Variants in DTWD2 observed in about 807,000 individuals in gnomAD.
DTWD2 encodes the protein tRNA-uridine aminocarboxypropyltransferase 2.
Under a neutral mutation model 31.8 loss-of-function variants are expected in DTWD2, and 39 were observed. That is an observed-to-expected ratio of 1.22 (90% confidence interval 0.95 to 1.60). The LOEUF (loss-of-function observed/expected upper bound fraction) is 1.60. Ranked by LOEUF, DTWD2 falls within the 40% of genes most tolerant of loss-of-function variation. DTWD2 has a pLI of 0.00. For synonymous variants in DTWD2, 180 were observed against 142.8 expected (o/e 1.26, Z -1.86); for missense variants, 515 against 381.5 (o/e 1.35, Z -2.92).
intron 1 of DTWD2, among the ~76,000 whole-genome samples, chr5:118,969,572 A>G (rs1014839293): frequency 3.9e-5 from 6 of 152,204 alleles, no homozygotes; most frequent in Admixed American, 3.3e-4. Context: ...AACCCCAACA[A>G]CCACAGCAGC....
At chr5:118,911,912 G>T (rs1753466366) in intron 4 of DTWD2, among the ~76,000 whole-genome samples, 1 of 152,092 alleles carries the variant, frequency 6.6e-6, no homozygotes. Context: ...GTGTGCATTT[G>T]GTGCACCACA....
chr5:118,946,424 T>C (rs1754340182), intron 1 of DTWD2, among the ~76,000 whole-genome samples: 1 of 152,178 alleles, frequency 6.6e-6, no homozygotes, highest in South Asian at 2.1e-4. Context: ...TAAGAAAGGA[T>C]TCCTCACTCA....
Position 118,932,839 on chromosome 5 carries a change from A to C in DTWD2, c.405-4110T>G, listed in dbSNP as rs571684226. ...GTGGAAAATAAACTTCTCTTTGGCCACCCAGTATGTGGTATTTTATTATGG... is the reference window on the plus strand; with the variant it reads ...GTGGAAAATAAACTTCTCTTTGGCCCCCCAGTATGTGGTATTTTATTATGG... On this transcript the variant is annotated intron_variant, in intron 3 of 5. Transcript: ENST00000510708. Among the ~76,000 whole-genome samples, 4 of 152,278 alleles carry C rather than the reference A, an allele frequency of 2.6e-5. No homozygotes were observed. The East Asian group carries it at 5.8e-4, about 22-fold the overall frequency.
chr5:118,916,840 C>G (rs1445579502), intron 4 of DTWD2, among the ~76,000 whole-genome samples: 1 of 152,096 alleles, frequency 6.6e-6, no homozygotes, highest in Admixed American at 6.5e-5. Flanking sequence ...TTGTCACTAA[C>G]TTGTCACTAA....
chr5:118,888,960 A>C (rs1752923717), intron 4 of DTWD2, among the ~76,000 whole-genome samples: 1 of 152,248 alleles, frequency 6.6e-6, no homozygotes, highest in Non-Finnish European at 1.5e-5. Flanking sequence ...ACTTATAACT[A>C]AGTATGGAAA....
chr5:118,860,274 G>T (rs1752231910), intron 4 of DTWD2, among the ~76,000 whole-genome samples: 1 of 149,644 alleles, frequency 6.7e-6, no homozygotes, highest in Admixed American at 6.7e-5. Context: ...AATTAACATG[G>T]CTTTCTTACA....
At chr5:118,867,841 C>T (rs1201409524) in intron 4 of DTWD2, among the ~76,000 whole-genome samples, 2 of 152,128 alleles carry the variant, frequency 1.3e-5, no homozygotes, top group South Asian at 2.1e-4. Flanking sequence ...AATGTCAATA[C>T]TACCCAAAGA....
At chr5:118,856,225 A>C (rs1752131369) in intron 4 of DTWD2, among the ~76,000 whole-genome samples, 1 of 152,152 alleles carries the variant, frequency 6.6e-6, no homozygotes. Context: ...CAATTGTTCA[A>C]TTTTGCCTAT....
chr5:118,864,844 T>C (rs891292706), intron 4 of DTWD2, among the ~76,000 whole-genome samples: 3 of 152,164 alleles, frequency 2.0e-5, no homozygotes, highest in Non-Finnish European at 4.4e-5. Flanking sequence ...TATGTTACCA[T>C]GTATCATAAT....
chr5:118,891,113 C>G (rs1010404028), intron 4 of DTWD2, among the ~76,000 whole-genome samples: 9 of 151,098 alleles, frequency 6.0e-5, no homozygotes, highest in Non-Finnish European at 1.2e-4. Flanking sequence ...TTTACTATAA[C>G]TTCTTTCCTC....
chr5:118,915,554 T>C (rs1473811249), intron 4 of DTWD2, among the ~76,000 whole-genome samples: 1 of 152,032 alleles, frequency 6.6e-6, no homozygotes, highest in Non-Finnish European at 1.5e-5. Context: ...TTTTGTATTT[T>C]TAGTAGAGAT....
intron 4 of DTWD2, among the ~76,000 whole-genome samples, chr5:118,889,839 G>T (rs529610860): frequency 1.3e-5 from 2 of 152,170 alleles, no homozygotes; most frequent in South Asian, 4.1e-4. Flanking sequence ...AATTTTTCAT[G>T]AAAGAATGAA....
chr5:118,918,946 G>T (rs74446249), intron 4 of DTWD2, among the ~76,000 whole-genome samples: 1,706 of 152,142 alleles, frequency 0.011, 19 homozygotes, highest in Non-Finnish European at 0.016. Flanking sequence ...CATCAAAAAC[G>T]GAGATTTTAA....
chr5:118,924,221 C>T (rs1257693908), intron 4 of DTWD2, among the ~76,000 whole-genome samples: 1 of 152,162 alleles, frequency 6.6e-6, no homozygotes, highest in African/African-American at 2.4e-5. Context: ...CTGGAAGTAT[C>T]TCCTAGCAGG....
At chr5:118,856,438 T>C (rs1032675446) in intron 4 of DTWD2, among the ~76,000 whole-genome samples, 1 of 152,188 alleles carries the variant, frequency 6.6e-6, no homozygotes. Flanking sequence ...TTTGCTATTA[T>C]AAACAAAGTA....
intron 1 of DTWD2, among the ~76,000 whole-genome samples, chr5:118,978,932 G>A (rs2149602850): frequency 1.3e-5 from 2 of 152,072 alleles, no homozygotes; most frequent in East Asian, 3.9e-4. Flanking sequence ...CTTGAGCCGG[G>A]AAGATGGAGG....
intron 4 of DTWD2, among the ~76,000 whole-genome samples, chr5:118,874,044 A>G (rs1001984962): frequency 6.6e-6 from 1 of 152,154 alleles, no homozygotes; most frequent in Non-Finnish European, 1.5e-5. Flanking sequence ...GGTGCAATAC[A>G]AGTCCCCAGG....
In DTWD2 at chr5:118,840,027, A is replaced by C. The variant is rs1751673937; in HGVS notation, c.*890T>G. On this transcript the variant is annotated 3_prime_UTR_variant, in exon 6 of 6. Transcript: ENST00000510708. ...CAGTAGACTTGTGCTGAATATACAT[A>C]TATGTTACATACATGTCTCTTATTC... The C allele has an allele frequency of 6.6e-6, 1 of 152,286 alleles. No individual in the cohort carries two copies. Among genetic ancestry groups the C allele is most frequent in the South Asian group, 2.1e-4 (1 of 4,824 alleles). 9.4% of individuals were successfully genotyped at this position (152,286 alleles called of 1,614,324 possible).
chr5:118,973,646 TCCTTGCTCGC>T, intron 1 of DTWD2: 2 of 769,924 alleles, frequency 2.6e-6, no homozygotes, highest in East Asian at 2.8e-5. Flanking sequence ...CGCGGCAGCC[TCCTTGCTCGC>T]GGCAGCCTCC....
Sources: gnomAD v4.1 joint callset for allele counts (sites outside exome capture counted in the v4.1 genomes callset) on GRCh38, gnomAD v4.1.1 for gene constraint, MANE v1.5 for transcripts, NCBI Gene and HGNC (gene_info 2026-07-23, HGNC 2026-07-21) for gene names.